The following CLPX variants were observed in gnomAD, a reference collection of about 807,000 sequenced individuals.
CLPX encodes the protein caseinolytic mitochondrial matrix peptidase chaperone subunit X.
In CLPX, 34 loss-of-function variants were observed where a neutral mutation model predicts 76.4. The observed-to-expected ratio is 0.45, with a 90% CI of 0.34 to 0.59. The LOEUF is 0.59. Among genes scored for constraint, CLPX ranks in the 20% least tolerant of loss-of-function variants. CLPX has a pLI of 0.01. For missense variants in CLPX, 613 were observed against 757.0 expected, an observed-to-expected ratio of 0.81 and a Z score of 2.23; for synonymous variants, 248 against 270.9, an observed-to-expected ratio of 0.92 and a Z score of 0.83.
At chr15:65,180,227 A>T in intron 1 of CLPX, 23 bp from the exon 2 acceptor site, 1 of 1,565,746 alleles carries the variant, frequency 6.4e-7, no homozygotes, top group Non-Finnish European at 8.7e-7. Flanking sequence ...GGAAATCTAC[A>T]TCAAATATAG....
At chr15:65,173,487 T>C (rs1030528930) in intron 3 of CLPX, among the ~76,000 whole-genome samples, 4 of 152,028 alleles carry the variant, frequency 2.6e-5, no homozygotes, top group African/African-American at 9.7e-5. Flanking sequence ...GAAAACAGTT[T>C]AGCAATTCTG....
At chr15:65,184,401 C>G (rs1207681277) in intron 1 of CLPX, 2 of 152,312 alleles carry the variant, frequency 1.3e-5, no homozygotes, top group Admixed American at 6.5e-5. Flanking sequence ...CAAAGGACTG[C>G]TGAAACACCC....
intron 1 of CLPX, among the ~76,000 whole-genome samples, chr15:65,181,588 A>C (rs1191087767): frequency 1.3e-5 from 2 of 151,686 alleles, no homozygotes; most frequent in Non-Finnish European, 2.9e-5. Context: ...CCCTGTCTCT[A>C]CTAAAGATAC....
Position 65,164,112 on chromosome 15 carries a change from T to A in CLPX, c.590A>T (p.His197Leu). The change falls in exon 5 of 14, where the codon CAT becomes CTT. Residue 197 changes from histidine to leucine, a missense_variant. Around this residue, in one of 2 missense-constraint regions of CLPX, gnomAD observed 450 missense variants for 638.6 expected, o/e 0.70. Coordinates refer to ENST00000300107, the MANE Select transcript of CLPX (RefSeq NM_006660.5). ...KKVLSVAVYN[H>L]YKRIYNNIPA... ...GATATTATTATATATTCTCTTATAA[T>A]GATTGTACACAGCAACTGAAAGCAC... The A allele has an allele frequency of 6.2e-7, 1 of 1,613,444 alleles. No homozygotes were observed.
chr15:65,173,318 G>A, intron 3 of CLPX, among the ~76,000 whole-genome samples: 1 of 137,994 alleles, frequency 7.2e-6, no homozygotes, highest in Non-Finnish European at 1.5e-5. Context: ...AGTGAGCCGA[G>A]ATAGTGCCAC....
intron 3 of CLPX, among the ~76,000 whole-genome samples, chr15:65,173,365 C>CAAAAA (rs35763100): frequency 5.8e-5 from 3 of 52,152 alleles, no homozygotes; most frequent in South Asian, 7.1e-4. Flanking sequence ...GACTCTGTCT[C>CAAAAA]AAAAAAAAAA....
intron 3 of CLPX, among the ~76,000 whole-genome samples, chr15:65,168,383 C>CAAAAAAAAAAAAAAAAAAAAAAAA (rs71136319): frequency 2.8e-5 from 1 of 35,666 alleles, no homozygotes; most frequent in African/African-American, 1.3e-4. Flanking sequence ...GACTCTGTCT[C>CAAAAAAAAAAAAAAAAAAAAAAAA]AAAAAAAAAA....
At chr15:65,182,093 A>T (rs1453044337) in intron 1 of CLPX, among the ~76,000 whole-genome samples, 1 of 150,502 alleles carries the variant, frequency 6.6e-6, no homozygotes, top group Non-Finnish European at 1.5e-5. Context: ...ACTGCACTCC[A>T]GCTTAAGCAA....
chr15:65,180,321 T>C (rs2088149018), intron 1 of CLPX, 117 bp from the exon 2 acceptor site: 3 of 681,814 alleles, frequency 4.4e-6, no homozygotes, highest in Admixed American at 3.5e-5. Context: ...CACAGTAGTA[T>C]AAACTGAGAG....
Position 65,185,158 on chromosome 15 carries a change from G to T in CLPX, c.-5C>A. The T allele has an allele frequency of 3.2e-6, 5 of 1,560,980 alleles. No homozygotes were observed. Among genetic ancestry groups the T allele is most frequent in the Non-Finnish European group, 3.5e-6 (4 of 1,152,240 alleles). On this transcript the variant is annotated 5_prime_UTR_variant, in exon 1 of 14. Coordinates refer to ENST00000300107, the MANE Select transcript of CLPX (RefSeq NM_006660.5). ...ACAAGCACCGCAGCTGGGCATCTCCGCGAGGCCTAGGCCGGGGCTTCGCCC... is the reference window on the plus strand; with the variant it reads ...ACAAGCACCGCAGCTGGGCATCTCCTCGAGGCCTAGGCCGGGGCTTCGCCC...
rs74668496 is a variant in CLPX, at chr15:65,155,639, G to A, written c.1311+53C>T. The A allele has an allele frequency of 4.9e-4, 693 of 1,427,986 alleles. 5 individuals are homozygous for A. The African/African-American group carries it at 7.7e-3, about 16-fold the overall frequency. The allele number at this position is 1,427,986 out of a possible 1,614,324, so 88.5% of individuals were successfully genotyped here. ...GCAGATATGAGAATGGAAACTGAGT[G>A]TACATCCTTTAAATGCTCTCTATCC... is the stretch of plus-strand genomic sequence containing the variant. On this transcript the variant is annotated intron_variant, in intron 10 of 13. Coordinates refer to ENST00000300107, the MANE Select transcript of CLPX (RefSeq NM_006660.5).
intron 6 of CLPX, 93 bp downstream of exon 6, chr15:65,162,511 C>T (rs2087866577): frequency 1.3e-6 from 1 of 781,032 alleles, no homozygotes; most frequent in Non-Finnish European, 2.2e-6. Context: ...CAAGCAAATA[C>T]ATACATGTCT....
chr15:65,152,627 C>A, intron 12 of CLPX, 91 bp from the exon 13 acceptor site: 1 of 433,470 alleles, frequency 2.3e-6, no homozygotes, highest in Non-Finnish European at 3.8e-6. Context: ...TCCATTCACT[C>A]AAGGAAAAAG....
In CLPX at chr15:65,179,035, C is replaced by T. The variant is rs2088127462; in HGVS notation, c.257G>A (p.Gly86Glu). The stretch of plus-strand genomic sequence containing the variant: ...CCCAGAGCCTGATTTCTTACTACTT[C>T]CCTCACTTGCTGATTTCTAACGTTT... ...GDGNKKSASE[G>E]SSKKSGSGNS... Residue 86 changes from glycine (G) to glutamate (E), a missense_variant, in exon 3 of 14, where the codon GGA becomes GAA. Transcript: ENST00000300107. 1 of 1,608,254 alleles carries T rather than the reference C, an allele frequency of 6.2e-7. No homozygotes were observed. The highest frequency in any genetic ancestry group is 1.7e-4 in the Middle Eastern group (1 of 6,050).
chr15:65,185,169 G>A lies in CLPX; in HGVS notation c.-16C>T. 1.3e-6 allele frequency: 2 copies of A among 1,555,396 alleles called. No homozygotes were observed. The highest frequency in any genetic ancestry group is 1.7e-6 in the Non-Finnish European group (2 of 1,148,888). ...AGCTGGGCATCTCCGCGAGGCCTAG[G>A]CCGGGGCTTCGCCCCCTGAGGACCT... On this transcript the variant is annotated 5_prime_UTR_variant, in exon 1 of 14. Coordinates refer to ENST00000300107, the MANE Select transcript of CLPX (RefSeq NM_006660.5).
intron 3 of CLPX, among the ~76,000 whole-genome samples, chr15:65,174,927 T>C (rs1430377751): frequency 1.3e-5 from 2 of 152,024 alleles, no homozygotes; most frequent in Admixed American, 6.6e-5. Flanking sequence ...AACAAGCAAT[T>C]TGCAAAAATA....
intron 10 of CLPX, among the ~76,000 whole-genome samples, chr15:65,155,426 T>A (rs1409688553): frequency 1.3e-5 from 2 of 152,152 alleles, no homozygotes; most frequent in Non-Finnish European, 2.9e-5. Context: ...ATTTTTTGTA[T>A]TTTTAGTAGA....
In CLPX at chr15:65,149,860, T is replaced by A. The variant is rs1216174673; in HGVS notation, c.*963A>T. 6.1e-4 allele frequency: 72 copies of A among 118,726 alleles called. No homozygotes were observed. The highest frequency in any genetic ancestry group is 6.9e-4 in the African/African-American group (21 of 30,412). 7.4% of individuals were successfully genotyped at this position (118,726 alleles called of 1,614,324 possible). A position where few individuals can be genotyped will look rare whatever the true frequency, so the allele number is the denominator to read the frequency against. The stretch of plus-strand genomic sequence containing the variant: ...GGGACAGCGTGAGACTCCGCTCAAT[T>A]AAAAAAAAAAAAAAAAAAAAGATGG... On this transcript the variant is annotated 3_prime_UTR_variant, in exon 14 of 14. Coordinates refer to ENST00000300107, the MANE Select transcript of CLPX (RefSeq NM_006660.5).
chr15:65,177,229 C>A (rs895591361), intron 3 of CLPX, among the ~76,000 whole-genome samples: 1 of 151,964 alleles, frequency 6.6e-6, no homozygotes, highest in Non-Finnish European at 1.5e-5. Flanking sequence ...CCACCACGCC[C>A]GGCTAATTTT....
Sources: gnomAD v4.1 joint callset for allele counts (sites outside exome capture counted in the v4.1 genomes callset) on GRCh38, gnomAD v4.1.1 for gene constraint, gnomAD v4.1.1 regional missense constraint, MANE v1.5 for transcripts, NCBI Gene and HGNC (gene_info 2026-07-23, HGNC 2026-07-21) for gene names.